The following ARID2 variants were observed in gnomAD, a reference collection of about 807,000 sequenced individuals.
ARID2 encodes AT-rich interaction domain 2.
In ARID2, 32 loss-of-function variants were observed where a neutral mutation model predicts 184.6. The ratio of observed to expected loss-of-function variants is 0.17; its 90% CI spans 0.13 to 0.23. The LOEUF is 0.23. ARID2 is among the 10% of genes least tolerant of loss of function. The probability of loss-of-function intolerance (pLI) is 1.00; values close to 1 mark genes in which losing one functional copy is unlikely to be tolerated. For synonymous variants in ARID2, 836 were observed against 772.6 expected (o/e 1.08, Z -1.36); for missense variants, 1,696 against 2,197.6 (o/e 0.77, Z 4.56).
chr12:45,892,479 C>CATAT lies in ARID2; in HGVS notation c.5147+395_5147+398dup, dbSNP rs150289482. Reference sequence around the variant, plus strand: ...AAGAGATTTCATATCTTGTCATTATCATATATATATATATACACACACATA... The same window carrying CATAT: ...AAGAGATTTCATATCTTGTCATTATCATATATATATATATATATACACACACATA... On this transcript the variant is annotated intron_variant, in intron 18 of 20. Transcript: ENST00000334344. 7.8e-3 allele frequency among the ~76,000 whole-genome samples: 1,176 copies of CATAT among 150,352 alleles called. 10 individuals carry two copies. The highest frequency in any genetic ancestry group is 0.02 in the African/African-American group (807 of 40,968).
chr12:45,894,904 A>G (rs895334095), intron 20 of ARID2, among the ~76,000 whole-genome samples: 1 of 152,116 alleles, frequency 6.6e-6, no homozygotes, highest in African/African-American at 2.4e-5. Context: ...TCCTAATCAC[A>G]TTGGGCTCTC....
intron 6 of ARID2, among the ~76,000 whole-genome samples, chr12:45,832,026 A>C (rs1050424765): frequency 2.6e-5 from 4 of 151,966 alleles, no homozygotes; most frequent in African/African-American, 9.7e-5. Flanking sequence ...CCTCCTCCCC[A>C]CAGTCTGCCT....
At chr12:45,750,001 T>G (rs1300926883) in intron 3 of ARID2, among the ~76,000 whole-genome samples, 2 of 152,230 alleles carry the variant, frequency 1.3e-5, no homozygotes, top group Non-Finnish European at 2.9e-5. Context: ...GCACTTATTT[T>G]TCTTCAAAAC....
intron 3 of ARID2, among the ~76,000 whole-genome samples, chr12:45,774,139 T>C (rs531986242): frequency 3.7e-4 from 57 of 152,322 alleles, no homozygotes; most frequent in Admixed American, 3.2e-3. Flanking sequence ...TCCGAATTTA[T>C]TTAAAAATTT....
chr12:45,902,876 C>T (rs1024919938), intron 20 of ARID2, among the ~76,000 whole-genome samples: 6 of 152,116 alleles, frequency 3.9e-5, no homozygotes, highest in Middle Eastern at 3.2e-3. Flanking sequence ...TTAGAAATTT[C>T]ATACTTTATT....
intron 16 of ARID2, among the ~76,000 whole-genome samples, chr12:45,872,938 T>C (rs1174126201): frequency 1.3e-5 from 2 of 152,226 alleles, no homozygotes; most frequent in African/African-American, 2.4e-5. Context: ...TTTCTGCCTA[T>C]TGGATCTGTC....
intron 16 of ARID2, among the ~76,000 whole-genome samples, chr12:45,891,048 C>T (rs1342168506): frequency 6.6e-6 from 1 of 151,886 alleles, no homozygotes; most frequent in Non-Finnish European, 1.5e-5. Flanking sequence ...GCTTGTAGTC[C>T]CAGGTACTCG....
intron 13 of ARID2, 70 bp from the exon 14 acceptor site, chr12:45,849,510 C>T (rs1178077689): frequency 4.8e-6 from 6 of 1,253,724 alleles, no homozygotes; most frequent in Non-Finnish European, 6.7e-6. Flanking sequence ...TGCTGTTGTT[C>T]ATGTAAACAT....
At chr12:45,818,851 A>G (rs1942851370) in intron 5 of ARID2, among the ~76,000 whole-genome samples, 1 of 152,116 alleles carries the variant, frequency 6.6e-6, no homozygotes, top group South Asian at 2.1e-4. Flanking sequence ...AATGATTTTG[A>G]AATTAAATAA....
At chr12:45,786,279 A>G (rs1362061331) in intron 3 of ARID2, among the ~76,000 whole-genome samples, 1 of 152,224 alleles carries the variant, frequency 6.6e-6, no homozygotes, top group Non-Finnish European at 1.5e-5. Flanking sequence ...AAGAATCCTT[A>G]AGAAAACTAC....
At chr12:45,825,773 A>C (rs1942985420) in intron 6 of ARID2, among the ~76,000 whole-genome samples, 1 of 152,090 alleles carries the variant, frequency 6.6e-6, no homozygotes, top group African/African-American at 2.4e-5. Flanking sequence ...CTGAGGCAGA[A>C]GGATTGCTTG....
Position 45,755,233 on chromosome 12 carries a change from T to G in ARID2, c.284+23919T>G, listed in dbSNP as rs187905597. Among the ~76,000 whole-genome samples the G allele has an allele frequency of 1.8e-3, 281 of 152,262 alleles. 1 individual carries two copies. Among genetic ancestry groups the G allele is most frequent in the African/African-American group, 5.9e-3 (247 of 41,550 alleles). ...GTGAGATTTGGGGGAGGTTTTGTAG[T>G]TGTTATTTGTTTGTTTTTTAGCAGA... On this transcript the variant is annotated intron_variant, in intron 3 of 20. Coordinates refer to ENST00000334344, the MANE Select transcript of ARID2 (RefSeq NM_152641.4).
chr12:45,905,150 C>T lies in ARID2; in HGVS notation c.*72C>T. On this transcript the variant is annotated 3_prime_UTR_variant, in exon 21 of 21. Coordinates refer to ENST00000334344, the MANE Select transcript of ARID2 (RefSeq NM_152641.4). ...TCACATACTGTTACTGAAGAAAGCA[C>T]CAAGTCTTAATGGAACAAAGACCAT... The T allele has an allele frequency of 1.3e-6, 2 of 1,489,720 alleles. No homozygotes were observed. Among genetic ancestry groups the T allele is most frequent in the South Asian group, 1.3e-5 (1 of 78,184 alleles). The allele number at this position is 1,489,720 out of a possible 1,614,324, so 92.3% of individuals were successfully genotyped here. A position where few individuals can be genotyped will look rare whatever the true frequency, so the allele number is the denominator to read the frequency against.
chr12:45,901,233 C>T (rs750777749), intron 20 of ARID2, among the ~76,000 whole-genome samples: 1 of 125,670 alleles, frequency 8.0e-6, no homozygotes, highest in African/African-American at 3.1e-5. Context: ...TGCAGTGGCA[C>T]GATCTTGGCT....
At chr12:45,742,849 T>C (rs1941289293) in intron 3 of ARID2, among the ~76,000 whole-genome samples, 1 of 152,222 alleles carries the variant, frequency 6.6e-6, no homozygotes, top group East Asian at 1.9e-4. Context: ...AAAGAATAAA[T>C]GCACATGTAG....
intron 3 of ARID2, among the ~76,000 whole-genome samples, chr12:45,739,352 TC>T (rs1941200942): frequency 6.6e-6 from 1 of 151,864 alleles, no homozygotes; most frequent in Admixed American, 6.6e-5. Context: ...GCAGGTATAT[TC>T]CATGTTCCAG....
In ARID2 at chr12:45,850,300, C is replaced by A. The variant is rs1943522411; in HGVS notation, c.2177C>A (p.Thr726Lys). Reference protein sequence around the residue: ...ATVIQNSIPQTGVPVSIAVGG... With the variant: ...ATVIQNSIPQKGVPVSIAVGG... ...GTTATCCAGAATTCCATACCCCAGA[C>A]AGGAGTTCCTGTTAGTATTGCTGTT... The change falls in exon 15 of 21, where the codon ACA becomes AAA. Residue 726 changes from threonine to lysine, a missense_variant. By Grantham distance (78) the Thr-to-Lys change is moderately conservative. Around this residue, in one of 11 missense-constraint regions of ARID2, gnomAD observed 713 missense variants for 824.4 expected, o/e 0.86. Coordinates refer to ENST00000334344, the MANE Select transcript of ARID2 (RefSeq NM_152641.4). The A allele has an allele frequency of 6.8e-6, 11 of 1,614,124 alleles. No homozygotes were observed. Among genetic ancestry groups the A allele is most frequent in the Non-Finnish European group, 9.3e-6 (11 of 1,179,996 alleles).
chr12:45,906,990 G>A lies in ARID2; in HGVS notation c.*1912G>A, dbSNP rs1944538649. ...TAAAAATGTTTTAAATATTTTGATT[G>A]AATTAGTACCAATGTAAAATCTAGT... On this transcript the variant is annotated 3_prime_UTR_variant, in exon 21 of 21. Coordinates refer to ENST00000334344, the MANE Select transcript of ARID2 (RefSeq NM_152641.4). 1 of 231,378 alleles carries A rather than the reference G, an allele frequency of 4.3e-6. No individual in the cohort carries two copies. Among genetic ancestry groups the A allele is most frequent in the African/African-American group, 2.2e-5 (1 of 45,228 alleles). The allele number at this position is 231,378 out of a possible 1,614,324, so 14.3% of individuals were successfully genotyped here. A position where few individuals can be genotyped will look rare whatever the true frequency, so the allele number is the denominator to read the frequency against.
At position 45,729,801 on chromosome 12, in the gene ARID2, G is replaced by A. The variant is rs772962698; in HGVS notation, c.-36G>A. 1.3e-6 allele frequency: 2 copies of A among 1,560,452 alleles called. No individual in the cohort carries two copies. The highest frequency in any genetic ancestry group is 1.7e-6 in the Non-Finnish European group (2 of 1,148,716). On this transcript the variant is annotated 5_prime_UTR_variant, in exon 1 of 21. Coordinates refer to ENST00000334344, the MANE Select transcript of ARID2 (RefSeq NM_152641.4). ...GAGCGGGGGGCGCTTTTAAAACACC[G>A]ATCTGGGTTTTTTAAAAACCTCCTT...
Sources: gnomAD v4.1 joint callset for allele counts (sites outside exome capture counted in the v4.1 genomes callset) on GRCh38, gnomAD v4.1.1 for gene constraint, gnomAD v4.1.1 regional missense constraint, MANE v1.5 for transcripts, NCBI Gene and HGNC (gene_info 2026-07-23, HGNC 2026-07-21) for gene names.